COX7B2: variants seen among roughly 807,000 people sequenced by gnomAD.
COX7B2 encodes cytochrome c oxidase subunit 7B2.
For missense variants in COX7B2, 109 were observed against 95.9 expected, an observed-to-expected ratio of 1.14 and a Z score of -0.57; for synonymous variants, 37 against 32.1, an observed-to-expected ratio of 1.15 and a Z score of -0.51.
chr4:46,862,777 C>G (rs1351301531), intron 1 of COX7B2, among the ~76,000 whole-genome samples: 1 of 152,202 alleles, frequency 6.6e-6, no homozygotes, highest in East Asian at 1.9e-4. Context: ...TGAATGATGA[C>G]TAGATTTGCC....
intron 1 of COX7B2, among the ~76,000 whole-genome samples, chr4:46,891,373 A>G (rs1719420275): frequency 6.6e-6 from 1 of 152,204 alleles, no homozygotes; most frequent in African/African-American, 2.4e-5. Context: ...GAAAGGGTCC[A>G]GGGACAGAGC....
chr4:46,779,503 T>G (rs2109545474), intron 2 of COX7B2, among the ~76,000 whole-genome samples: 1 of 152,306 alleles, frequency 6.6e-6, no homozygotes, highest in Middle Eastern at 3.4e-3. Context: ...ATTTAATATC[T>G]TTTCAAAATG....
chr4:46,762,817 C>T (rs1716267719), intron 2 of COX7B2, among the ~76,000 whole-genome samples: 1 of 148,288 alleles, frequency 6.7e-6, no homozygotes. Flanking sequence ...AAAGTTTGCA[C>T]CCTGCTCAAG....
At chr4:46,909,085 T>G (rs998560615) in intron 1 of COX7B2, 75 bp downstream of exon 1, 17 of 151,942 alleles carry the variant, frequency 1.1e-4, no homozygotes, top group African/African-American at 4.1e-4. Context: ...TGATAACTGT[T>G]AGAGCAATGA....
intron 1 of COX7B2, among the ~76,000 whole-genome samples, chr4:46,889,653 T>C (rs1719304725): frequency 6.6e-6 from 1 of 152,170 alleles, no homozygotes; most frequent in Non-Finnish European, 1.5e-5. Context: ...ACAAAGTCTA[T>C]AATTTTCAAA....
At chr4:46,815,011 C>G (rs1404226574) in intron 2 of COX7B2, among the ~76,000 whole-genome samples, 1 of 151,902 alleles carries the variant, frequency 6.6e-6, no homozygotes, top group African/African-American at 2.4e-5. Flanking sequence ...CACGGCGAAA[C>G]CCCGTCTCTA....
rs536076638 is a variant in COX7B2, at chr4:46,763,546, CAT to C, written c.-49-28307_-49-28306del. 6.3e-3 allele frequency among the ~76,000 whole-genome samples: 957 copies of C among 152,094 alleles called. 8 individuals are homozygous for C. The highest frequency in any genetic ancestry group is 0.021 in the African/African-American group (888 of 41,498). ...TGACCATTTCTATTAAGTTCATGCA[CAT>C]GTTTATAATTCAGCCAAATTTAGCC... On this transcript the variant is annotated intron_variant, in intron 2 of 2. Coordinates refer to ENST00000355591, the MANE Select transcript of COX7B2 (RefSeq NM_130902.3).
Position 46,780,267 on chromosome 4 carries a change from C to T in COX7B2, c.-49-45026G>A, listed in dbSNP as rs569778180. Among the ~76,000 whole-genome samples the T allele has an allele frequency of 1.2e-3, 185 of 152,284 alleles. 1 individual carries two copies. Among genetic ancestry groups the T allele is most frequent in the African/African-American group, 4.2e-3 (175 of 41,556 alleles). Reference sequence around the variant, plus strand: ...CACGGTGGCTCACACCTGTAATCCCCAGCACTTTGGGAGGCCGAAGCAGGT... The same window carrying T: ...CACGGTGGCTCACACCTGTAATCCCTAGCACTTTGGGAGGCCGAAGCAGGT... On this transcript the variant is annotated intron_variant, in intron 2 of 2. Coordinates refer to ENST00000355591, the MANE Select transcript of COX7B2 (RefSeq NM_130902.3).
chr4:46,895,202 A>G (rs9291292), intron 1 of COX7B2, among the ~76,000 whole-genome samples: 36,929 of 152,110 alleles, frequency 0.24, 4,687 homozygotes, highest in East Asian at 0.29. Context: ...GTTCACTGCA[A>G]CACTATTTGC....
At chr4:46,781,794 C>A (rs551534750) in intron 2 of COX7B2, among the ~76,000 whole-genome samples, 5 of 152,340 alleles carry the variant, frequency 3.3e-5, no homozygotes, top group African/African-American at 1.2e-4. Flanking sequence ...GTGCTGCCGG[C>A]CCCAAGCAGT....
chr4:46,812,340 G>T (rs1719325301), intron 2 of COX7B2, among the ~76,000 whole-genome samples: 1 of 150,236 alleles, frequency 6.7e-6, no homozygotes, highest in South Asian at 2.1e-4. Context: ...TCTGACCCTG[G>T]GAGGCACCAG....
At chr4:46,839,617 T>C (rs551567919) in intron 2 of COX7B2, among the ~76,000 whole-genome samples, 2 of 152,188 alleles carry the variant, frequency 1.3e-5, no homozygotes, top group East Asian at 3.9e-4. Context: ...TATCGAAATT[T>C]TTCATATTTT....
chr4:46,835,679 C>T (rs1468459519), intron 2 of COX7B2, among the ~76,000 whole-genome samples: 1 of 152,114 alleles, frequency 6.6e-6, no homozygotes, highest in Non-Finnish European at 1.5e-5. Flanking sequence ...GAGCCACAAG[C>T]TTTTTCAATA....
At chr4:46,883,921 T>C (rs1227571806) in intron 1 of COX7B2, among the ~76,000 whole-genome samples, 3 of 152,190 alleles carry the variant, frequency 2.0e-5, no homozygotes. Flanking sequence ...ACAACTAGTC[T>C]GGAGAATCCT....
Position 46,769,479 on chromosome 4 carries a change from CA to C in COX7B2, c.-49-34239del, listed in dbSNP as rs1577684044. ...GGGCACGGTGGCTCACGCCTGTGAT[CA>C]CAGGCAGGTGGATCACTTGAGGTCA... On this transcript the variant is annotated intron_variant, in intron 2 of 2. Transcript: ENST00000355591. 2.0e-5 allele frequency among the ~76,000 whole-genome samples: 3 copies of C among 152,246 alleles called. No individual in the cohort carries two copies. In the East Asian group the frequency reaches 5.8e-4, roughly 29 times the overall value.
At chr4:46,777,301 G>A (rs550495501) in intron 2 of COX7B2, among the ~76,000 whole-genome samples, 1 of 152,178 alleles carries the variant, frequency 6.6e-6, no homozygotes, top group African/African-American at 2.4e-5. Context: ...AGTTAATATG[G>A]ATAACTCATG....
intron 2 of COX7B2, among the ~76,000 whole-genome samples, chr4:46,802,225 G>T (rs1010718705): frequency 6.6e-6 from 1 of 152,110 alleles, no homozygotes; most frequent in Non-Finnish European, 1.5e-5. Context: ...CCTAAGACCT[G>T]GCCCTTTTAG....
In COX7B2 at chr4:46,907,687, G is replaced by C. The variant is rs1043703712; in HGVS notation, c.-105+1473C>G. On this transcript the variant is annotated intron_variant, in intron 1 of 2. Coordinates refer to ENST00000355591, the MANE Select transcript of COX7B2 (RefSeq NM_130902.3). ...TCAAAAGTTATGACCAGAGTACACA[G>C]AATTGTTAAATTCAAAGCCACTGTG... 2.0e-5 allele frequency among the ~76,000 whole-genome samples: 3 copies of C among 151,130 alleles called. No homozygotes were observed. The South Asian group carries it at 6.3e-4, about 32-fold the overall frequency.
At chr4:46,802,880 G>A (rs1259479523) in intron 2 of COX7B2, among the ~76,000 whole-genome samples, 2 of 152,244 alleles carry the variant, frequency 1.3e-5, no homozygotes, top group Admixed American at 1.3e-4. Context: ...ATAAAACTGT[G>A]AAGAGATTGT....
Sources: gnomAD v4.1 joint callset for allele counts (sites outside exome capture counted in the v4.1 genomes callset) on GRCh38, gnomAD v4.1.1 for gene constraint, MANE v1.5 for transcripts, NCBI Gene and HGNC (gene_info 2026-07-23, HGNC 2026-07-21) for gene names.